Variants in CACNA2D2 observed in about 807,000 individuals in gnomAD.
The protein encoded by CACNA2D2 is voltage-dependent calcium channel subunit alpha-2/delta-2.
In CACNA2D2, 48 loss-of-function variants were observed where a neutral mutation model predicts 166.4. That is an observed-to-expected ratio of 0.29 (90% CI 0.23 to 0.37). The LOEUF is 0.37. Ranked by LOEUF, CACNA2D2 falls within the 10% of genes least tolerant of loss-of-function variation. The pLI is 1.00. For missense variants in CACNA2D2, 1,122 were observed against 1,433.0 expected (o/e 0.78, Z 3.50); for synonymous variants, 561 against 573.7 (o/e 0.98, Z 0.32).
chr3:50,476,627 T>G (rs1697783175), intron 1 of CACNA2D2, among the ~76,000 whole-genome samples: 1 of 152,122 alleles, frequency 6.6e-6, no homozygotes, highest in South Asian at 2.1e-4. Flanking sequence ...CAAGGCCAGG[T>G]GGGGCCTAGA....
At chr3:50,405,668 A>G (rs896805813) in intron 3 of CACNA2D2, among the ~76,000 whole-genome samples, 1 of 152,120 alleles carries the variant, frequency 6.6e-6, no homozygotes, top group Non-Finnish European at 1.5e-5. Flanking sequence ...AACACACCAC[A>G]GGCAGGGCCT....
rs150858428 is a variant in CACNA2D2, at chr3:50,386,861, G to A, written c.510+707C>T. Among the ~76,000 whole-genome samples, 5 of 152,304 alleles carry A rather than the reference G, an allele frequency of 3.3e-5. No homozygotes were observed. The East Asian group carries it at 9.6e-4, about 29-fold the overall frequency. ...AGTCAGGCAGAGGGTCTTGGGCCTT[G>A]ACAAGCTCAGCAAACACCGTCTACT... On this transcript the variant is annotated intron_variant, in intron 5 of 37. Transcript: ENST00000424201.
intron 3 of CACNA2D2, among the ~76,000 whole-genome samples, chr3:50,415,411 C>T (rs1707222762): frequency 6.6e-6 from 1 of 152,224 alleles, no homozygotes; most frequent in East Asian, 1.9e-4. Context: ...CCTAGGGCTG[C>T]AGATTCACCA....
In CACNA2D2 at chr3:50,384,176, C is replaced by G. The variant is rs755994972; in HGVS notation, c.652+20G>C. 6.2e-6 allele frequency: 10 copies of G among 1,612,212 alleles called. No individual in the cohort carries two copies. In the South Asian group the frequency reaches 1.1e-4, roughly 18 times the overall value. The stretch of plus-strand genomic sequence containing the variant: ...CCACAGCAGGTGGGATGGGCTGTCC[C>G]GATTGCTCTGCACACTCACAGCCTT... On this transcript the variant is annotated intron_variant, in intron 6 of 37. Coordinates refer to ENST00000424201, the MANE Select transcript of CACNA2D2 (RefSeq NM_006030.4).
In CACNA2D2 at chr3:50,367,276, G is replaced by A; in HGVS notation, c.2401+118C>T. Reference sequence around the variant, plus strand: ...CTATCCCTCTTTTCACGTCTGCCCTGGCCTCAGCCAGCCTTGTGTTGGAGA... The same window carrying A: ...CTATCCCTCTTTTCACGTCTGCCCTAGCCTCAGCCAGCCTTGTGTTGGAGA... On this transcript the variant is annotated intron_variant, in intron 27 of 37. Coordinates refer to ENST00000424201, the MANE Select transcript of CACNA2D2 (RefSeq NM_006030.4). This position sits in a 1 kb window ranked among gnomAD's most constrained non-coding sequence, Gnocchi z 6.5. 9.3e-7 allele frequency: 1 copy of A among 1,069,556 alleles called. No homozygotes were observed. The highest frequency in any genetic ancestry group is 1.6e-5 in the African/African-American group (1 of 63,928). The allele number at this position is 1,069,556 out of a possible 1,614,324, so 66.3% of individuals were successfully genotyped here. A position where few individuals can be genotyped will look rare whatever the true frequency, so the allele number is the denominator to read the frequency against.
At chr3:50,434,801 G>A (rs368808433) in intron 2 of CACNA2D2, among the ~76,000 whole-genome samples, 5 of 152,184 alleles carry the variant, frequency 3.3e-5, no homozygotes, top group Non-Finnish European at 7.3e-5. Context: ...CTGGAGAGGA[G>A]GCAGGAGGTT....
At chr3:50,429,478 C>T (rs930592012) in intron 3 of CACNA2D2, among the ~76,000 whole-genome samples, 3 of 150,774 alleles carry the variant, frequency 2.0e-5, no homozygotes, top group Non-Finnish European at 4.4e-5. Context: ...TCTGGCCGGG[C>T]GCGGTGGCTC....
chr3:50,429,540 C>A (rs554739763), intron 3 of CACNA2D2, among the ~76,000 whole-genome samples: 1 of 137,176 alleles, frequency 7.3e-6, no homozygotes, highest in East Asian at 2.2e-4. Context: ...ATCACGAGGT[C>A]AGGAGATCGA....
At chr3:50,500,951 G>A (rs897997549) in intron 1 of CACNA2D2, among the ~76,000 whole-genome samples, 1 of 152,152 alleles carries the variant, frequency 6.6e-6, no homozygotes, top group African/African-American at 2.4e-5. Flanking sequence ...GTGAAGCTGG[G>A]CCCCTGTGCA....
intron 3 of CACNA2D2, among the ~76,000 whole-genome samples, chr3:50,399,701 T>C (rs866014537): frequency 6.6e-6 from 1 of 152,218 alleles, no homozygotes; most frequent in South Asian, 2.1e-4. Flanking sequence ...CCCAGACCCC[T>C]AGGTAGGAAG....
At chr3:50,394,272 C>T (rs1706034853) in intron 3 of CACNA2D2, 104 bp from the exon 4 acceptor site, 9 of 877,944 alleles carry the variant, frequency 1.0e-5, no homozygotes, top group Non-Finnish European at 1.5e-5. Flanking sequence ...CCAGGCTGGA[C>T]TGGTGACTCC....
intron 3 of CACNA2D2, among the ~76,000 whole-genome samples, chr3:50,413,993 C>T (rs962403743): frequency 6.6e-6 from 1 of 151,322 alleles, no homozygotes; most frequent in African/African-American, 2.4e-5. Context: ...CCTAAAGTAG[C>T]TGAGCCAGTC....
In CACNA2D2 at chr3:50,367,172, G is replaced by A. The variant is rs1704354447; in HGVS notation, c.2402-63C>T. 1.1e-5 allele frequency: 14 copies of A among 1,306,604 alleles called. No individual in the cohort carries two copies. The highest frequency in any genetic ancestry group is 1.5e-5 in the Non-Finnish European group (14 of 914,436). The allele number at this position is 1,306,604 out of a possible 1,614,324, so 80.9% of individuals were successfully genotyped here. A position where few individuals can be genotyped will look rare whatever the true frequency, so the allele number is the denominator to read the frequency against. Reference sequence around the variant, plus strand: ...CGGCCACACTGACCACTCTATGCTGGGTCCTACAAACCCAGCAGTCCAATC... The same window carrying A: ...CGGCCACACTGACCACTCTATGCTGAGTCCTACAAACCCAGCAGTCCAATC... On this transcript the variant is annotated intron_variant, in intron 27 of 37. Coordinates refer to ENST00000424201, the MANE Select transcript of CACNA2D2 (RefSeq NM_006030.4). This position sits in a 1 kb window ranked among gnomAD's most constrained non-coding sequence, Gnocchi z 6.5.
chr3:50,434,172 G>A, intron 3 of CACNA2D2, 141 bp downstream of exon 3: 1 of 673,778 alleles, frequency 1.5e-6, no homozygotes, highest in Non-Finnish European at 2.7e-6. Flanking sequence ...ATTCCACGTG[G>A]GCACAGCCCT....
At chr3:50,484,718 G>A (rs1311176950) in intron 1 of CACNA2D2, among the ~76,000 whole-genome samples, 4 of 152,364 alleles carry the variant, frequency 2.6e-5, no homozygotes, top group South Asian at 4.1e-4. Flanking sequence ...CTTTTGGCTA[G>A]TATTCCATCA....
rs975411670 is a variant in CACNA2D2, at chr3:50,364,469, T to G, written c.*197A>C. 2.7e-4 allele frequency: 174 copies of G among 632,938 alleles called. No individual in the cohort carries two copies. Among genetic ancestry groups the G allele is most frequent in the Non-Finnish European group, 2.1e-4 (78 of 374,858 alleles). 39.2% of individuals were successfully genotyped at this position (632,938 alleles called of 1,614,324 possible). ...GAACAGTTCGGAGGTGAGATGTGAT[T>G]TGGGTGCCAAACACCTGCGGCGTCC... On this transcript the variant is annotated 3_prime_UTR_variant, in exon 38 of 38. Transcript: ENST00000424201.
At chr3:50,411,583 A>G (rs1052604895) in intron 3 of CACNA2D2, among the ~76,000 whole-genome samples, 1 of 152,236 alleles carries the variant, frequency 6.6e-6, no homozygotes, top group Non-Finnish European at 1.5e-5. Flanking sequence ...CCTGTTGTCC[A>G]TATGTGACTG....
chr3:50,475,423 G>A (rs1003331531), intron 2 of CACNA2D2, among the ~76,000 whole-genome samples: 10 of 152,020 alleles, frequency 6.6e-5, no homozygotes, highest in South Asian at 2.1e-4. Context: ...AAGACTGCAC[G>A]TACCCCGAGA....
At chr3:50,441,010 G>A (rs1434045727) in intron 2 of CACNA2D2, among the ~76,000 whole-genome samples, 3 of 152,088 alleles carry the variant, frequency 2.0e-5, no homozygotes, top group South Asian at 2.1e-4. Context: ...CAAAGGCTGG[G>A]AGAAGCGGGG....
Sources: allele counts gnomAD v4.1 joint callset (sites outside exome capture counted in the v4.1 genomes callset), GRCh38; gene constraint gnomAD v4.1.1; non-coding constraint Gnocchi (gnomAD v3.1); transcripts MANE v1.5; gene names NCBI Gene and HGNC (gene_info 2026-07-23, HGNC 2026-07-21).